ABCC9: variants seen among roughly 807,000 people sequenced by gnomAD.
ABCC9 encodes ATP-binding cassette sub-family C member 9.
In ABCC9, 95 loss-of-function variants were observed where a neutral mutation model predicts 188.3. That is an observed-to-expected ratio of 0.50 (90% CI 0.43 to 0.60). The LOEUF (loss-of-function observed/expected upper bound fraction) is 0.60, where lower values mean the gene tolerates loss of function less well. Ranked by LOEUF, ABCC9 falls within the 20% of genes least tolerant of loss-of-function variation. The probability of loss-of-function intolerance (pLI) is 0.00; values close to 1 mark genes in which losing one functional copy is unlikely to be tolerated. For missense variants in ABCC9, 1,102 were observed against 1,876.3 expected, an observed-to-expected ratio of 0.59 and a Z score of 7.62; for synonymous variants, 659 against 652.7, an observed-to-expected ratio of 1.01 and a Z score of -0.15.
At chr12:21,880,692 C>A (rs1395838602) in intron 16 of ABCC9, among the ~76,000 whole-genome samples, 1 of 152,064 alleles carries the variant, frequency 6.6e-6, no homozygotes, top group Non-Finnish European at 1.5e-5. Flanking sequence ...TCCCAGCACA[C>A]AACACGTGGC....
chr12:21,836,442 T>C (rs1333860351), intron 30 of ABCC9, among the ~76,000 whole-genome samples: 1 of 152,240 alleles, frequency 6.6e-6, no homozygotes, highest in East Asian at 1.9e-4. Flanking sequence ...GAAATCTTTA[T>C]ATTTTCACAC....
chr12:21,915,514 A>ATTTTTTTTTTTTTTT lies in ABCC9; in HGVS notation c.816+139_816+153dup, dbSNP rs71053356. 9.7e-3 allele frequency among the ~76,000 whole-genome samples: 34 copies of ATTTTTTTTTTTTTTT among 3,518 alleles called. 11 individuals carry two copies. Among genetic ancestry groups the ATTTTTTTTTTTTTTT allele is most frequent in the Admixed American group, 0.02 (3 of 150 alleles). The allele number at this position is 3,518 out of a possible 152,430, so 2.3% of individuals were successfully genotyped here. On this transcript the variant is annotated intron_variant, in intron 7 of 39. Coordinates refer to ENST00000261200, the MANE Select transcript of ABCC9 (RefSeq NM_020297.4). ...TGTGTGTGTGTGTATATATATATAT[A>ATTTTTTTTTTTTTTT]TTTTTTTTTTTTTTTTGAGACAGAG...
chr12:21,827,058 T>A, intron 31 of ABCC9: 1 of 955,908 alleles, frequency 1.0e-6, no homozygotes, highest in Non-Finnish European at 1.2e-6. Context: ...GCAGGTGGAA[T>A]TCAAGATACA....
intron 36 of ABCC9, among the ~76,000 whole-genome samples, chr12:21,811,763 T>C (rs930369412): frequency 9.2e-5 from 14 of 152,168 alleles, no homozygotes; most frequent in Non-Finnish European, 1.8e-4. Flanking sequence ...ATCTGTAAGA[T>C]GGAACACCTT....
chr12:21,823,391 C>T (rs931028329), intron 31 of ABCC9, among the ~76,000 whole-genome samples: 3 of 152,146 alleles, frequency 2.0e-5, no homozygotes, highest in African/African-American at 7.2e-5. Flanking sequence ...CTTCATATAG[C>T]ACTCAGGAGC....
intron 11 of ABCC9, 52 bp downstream of exon 11, chr12:21,908,025 T>A (rs1384780211): frequency 3.8e-6 from 6 of 1,579,536 alleles, no homozygotes; most frequent in Non-Finnish European, 4.3e-6. Flanking sequence ...ATTATAAAAT[T>A]AAAACAGCAT....
chr12:21,859,989 G>A (rs1347885277), intron 21 of ABCC9, among the ~76,000 whole-genome samples: 1 of 151,848 alleles, frequency 6.6e-6, no homozygotes, highest in Non-Finnish European at 1.5e-5. Context: ...ACTGAGTTGT[G>A]TCTGTAGTTT....
At chr12:21,908,689 G>T (rs1367614135) in intron 10 of ABCC9, among the ~76,000 whole-genome samples, 6 of 151,982 alleles carry the variant, frequency 3.9e-5, no homozygotes, top group Non-Finnish European at 8.8e-5. Flanking sequence ...GAGGATGGTT[G>T]TCTGTGGACT....
chr12:21,826,681 C>T (rs918955432), intron 31 of ABCC9, among the ~76,000 whole-genome samples: 4 of 151,978 alleles, frequency 2.6e-5, no homozygotes, highest in Admixed American at 1.3e-4. Context: ...TGCATGTGTG[C>T]GTGTGTACAC....
At chr12:21,865,459 A>G (rs1018025576) in intron 18 of ABCC9, among the ~76,000 whole-genome samples, 1 of 152,152 alleles carries the variant, frequency 6.6e-6, no homozygotes, top group East Asian at 1.9e-4. Flanking sequence ...GGAAATGATC[A>G]TTTTTATGAA....
rs4148680 is a variant in ABCC9, at chr12:21,806,064, CAA to C, written c.4450-6_4450-5del. 353 of 1,321,174 alleles carry C rather than the reference CAA, an allele frequency of 2.7e-4. No homozygotes were observed. The highest frequency in any genetic ancestry group is 4.5e-4 in the African/African-American group (30 of 66,736). The allele number at this position is 1,321,174 out of a possible 1,614,324, so 81.8% of individuals were successfully genotyped here. A position where few individuals can be genotyped will look rare whatever the true frequency, so the allele number is the denominator to read the frequency against. The stretch of plus-strand genomic sequence containing the variant: ...CTACTTTTTGCAAAATATTCTCCTG[CAA>C]AAAAAAAAAAGTGTAAATTTTCTCG... On this transcript the variant is annotated splice_region_variant and splice_polypyrimidine_tract_variant and intron_variant, in intron 38 of 39. Transcript: ENST00000261200.
intron 16 of ABCC9, 71 bp downstream of exon 16, chr12:21,882,695 C>A: frequency 7.3e-7 from 1 of 1,366,706 alleles, no homozygotes; most frequent in Non-Finnish European, 1.0e-6. Context: ...GGGACACTTT[C>A]ACAGAACTTC....
intron 11 of ABCC9, among the ~76,000 whole-genome samples, chr12:21,906,901 TAGAG>T (rs1195436159): frequency 6.6e-6 from 1 of 152,106 alleles, no homozygotes; most frequent in East Asian, 1.9e-4. Flanking sequence ...GGAATAATCA[TAGAG>T]AGATTTGTAG....
intron 15 of ABCC9, among the ~76,000 whole-genome samples, chr12:21,883,725 AT>A (rs3062606): frequency 6.6e-6 from 1 of 151,120 alleles, no homozygotes; most frequent in Admixed American, 6.6e-5. Flanking sequence ...AAAGATCTAG[AT>A]TTTTTTTTGT....
chr12:21,929,763 C>G (rs555070621), intron 4 of ABCC9, among the ~76,000 whole-genome samples: 1 of 151,984 alleles, frequency 6.6e-6, no homozygotes, highest in African/African-American at 2.4e-5. Context: ...AGTGTGTTAT[C>G]ATTCCTCTTT....
rs1381226419 is a variant in ABCC9 at position 21,859,576 on chromosome 12, A to G, written c.2505+10T>C. 6.2e-7 allele frequency: 1 copy of G among 1,613,006 alleles called. No individual in the cohort carries two copies. The highest frequency in any genetic ancestry group is 8.5e-7 in the Non-Finnish European group (1 of 1,178,998). ...TGAAATAGAAATAAAAGGGAAGGCC[A>G]TATTCTTACCAAAAAGACAATGTTG... On this transcript the variant is annotated intron_variant, in intron 22 of 39. Transcript: ENST00000261200.
intron 18 of ABCC9, among the ~76,000 whole-genome samples, chr12:21,868,349 A>G (rs1383991600): frequency 6.6e-6 from 1 of 152,234 alleles, no homozygotes; most frequent in Non-Finnish European, 1.5e-5. Flanking sequence ...ATTCAAAAAT[A>G]AAATTTATGG....
rs1359816097 is a variant in ABCC9 at position 21,799,363 on chromosome 12, T to C, written c.*1681A>G. 1 of 152,264 alleles carries C rather than the reference T, an allele frequency of 6.6e-6. No homozygotes were observed. The highest frequency in any genetic ancestry group is 2.4e-5 in the African/African-American group (1 of 41,566). 9.4% of individuals were successfully genotyped at this position (152,264 alleles called of 1,614,324 possible). ...AACAGGCAATATGCATATTCTGCCCTACAAAATATTTAAACACCATTTTAG... is the reference window on the plus strand; with the variant it reads ...AACAGGCAATATGCATATTCTGCCCCACAAAATATTTAAACACCATTTTAG... On this transcript the variant is annotated 3_prime_UTR_variant, in exon 40 of 40. Transcript: ENST00000261200.
intron 14 of ABCC9, among the ~76,000 whole-genome samples, chr12:21,890,564 C>T (rs1330282617): frequency 6.6e-6 from 1 of 152,060 alleles, no homozygotes; most frequent in African/African-American, 2.4e-5. Context: ...TAAATCTTTA[C>T]CAACCTAAAT....
Sources: allele counts gnomAD v4.1 joint callset (sites outside exome capture counted in the v4.1 genomes callset), GRCh38; gene constraint gnomAD v4.1.1; transcripts MANE v1.5; gene names NCBI Gene and HGNC (gene_info 2026-07-23, HGNC 2026-07-21).